OR10G3: variants seen among roughly 807,000 people sequenced by gnomAD.
OR10G3 encodes the protein olfactory receptor family 10 subfamily G member 3.
In OR10G3, 8 loss-of-function variants were observed where a neutral mutation model predicts 13.4. That is an observed-to-expected ratio of 0.60 (90% CI 0.35 to 1.08). The LOEUF is 1.08. Ranked by LOEUF, OR10G3 falls within the 50% of genes least tolerant of loss-of-function variation. The probability of loss-of-function intolerance (pLI) is 0.02; values close to 1 mark genes in which losing one functional copy is unlikely to be tolerated. For synonymous variants in OR10G3, 142 were observed against 156.1 expected (o/e 0.91, Z 0.67); for missense variants, 393 against 386.6 (o/e 1.02, Z -0.14).
chr14:21,571,044 C>T (rs552663141), intron 1 of OR10G3, among the ~76,000 whole-genome samples: 1 of 152,302 alleles, frequency 6.6e-6, no homozygotes, highest in East Asian at 1.9e-4. Context: ...ACTATTTACT[C>T]CCTGGACATT....
chr14:21,572,225 G>A (rs1893077515), intron 1 of OR10G3, among the ~76,000 whole-genome samples: 1 of 141,436 alleles, frequency 7.1e-6, no homozygotes, highest in Admixed American at 7.5e-5. Context: ...CCAGGGGGTG[G>A]AGGTGAGCTG....
chr14:21,571,247 T>C (rs1893065374), intron 1 of OR10G3, among the ~76,000 whole-genome samples: 1 of 152,206 alleles, frequency 6.6e-6, no homozygotes, highest in African/African-American at 2.4e-5. Flanking sequence ...CTCACTCTTA[T>C]CTCTGCCAGG....
chr14:21,575,272 A>G (rs1321187379), intron 1 of OR10G3, among the ~76,000 whole-genome samples: 3 of 151,900 alleles, frequency 2.0e-5, no homozygotes, highest in Non-Finnish European at 4.4e-5. Context: ...TAGTAGAGAC[A>G]GGGTTTCACC....
At position 21,569,245 on chromosome 14, in the gene OR10G3, T is replaced by C. The variant is rs1220037901; in HGVS notation, c.*558A>G. 1 of 152,888 alleles carries C rather than the reference T, an allele frequency of 6.5e-6. No homozygotes were observed. The highest frequency in any genetic ancestry group is 1.5e-5 in the Non-Finnish European group (1 of 68,640). 9.5% of individuals were successfully genotyped at this position (152,888 alleles called of 1,614,324 possible). A position where few individuals can be genotyped will look rare whatever the true frequency, so the allele number is the denominator to read the frequency against. Reference sequence around the variant, plus strand: ...TAGGCTGGGAGGCTAGGCCAGTCTTTCTTTTCACATTTTTCTGCCTGCTTA... The same window carrying C: ...TAGGCTGGGAGGCTAGGCCAGTCTTCCTTTTCACATTTTTCTGCCTGCTTA... On this transcript the variant is annotated 3_prime_UTR_variant, in exon 2 of 2. Transcript: ENST00000641040.
intron 1 of OR10G3, among the ~76,000 whole-genome samples, chr14:21,573,987 G>C (rs1268464048): frequency 1.3e-5 from 2 of 152,080 alleles, no homozygotes; most frequent in African/African-American, 2.4e-5. Flanking sequence ...CATGACTTGA[G>C]GTAGGATGTC....
chr14:21,579,090 C>T (rs570749919), intron 1 of OR10G3, among the ~76,000 whole-genome samples: 4 of 152,320 alleles, frequency 2.6e-5, no homozygotes, highest in Admixed American at 2.0e-4. Flanking sequence ...CACCACAGAA[C>T]TCGAAGATGC....
intron 1 of OR10G3, among the ~76,000 whole-genome samples, chr14:21,578,123 T>C (rs1037811004): frequency 5.3e-5 from 8 of 149,750 alleles, no homozygotes; most frequent in African/African-American, 1.7e-4. Flanking sequence ...TTAAAGACCA[T>C]CTAGAGGCCG....
chr14:21,577,445 T>C (rs922082642), intron 1 of OR10G3, among the ~76,000 whole-genome samples: 2 of 152,234 alleles, frequency 1.3e-5, no homozygotes, highest in African/African-American at 4.8e-5. Context: ...TCCAGCACTC[T>C]TTCCACATTT....
chr14:21,573,728 A>G (rs996275367), intron 1 of OR10G3, among the ~76,000 whole-genome samples: 5 of 151,888 alleles, frequency 3.3e-5, no homozygotes, highest in African/African-American at 1.2e-4. Flanking sequence ...TTCAGGACCT[A>G]TTGAACAGCA....
At chr14:21,575,723 C>T (rs1163546211) in intron 1 of OR10G3, among the ~76,000 whole-genome samples, 1 of 152,158 alleles carries the variant, frequency 6.6e-6, no homozygotes, top group Non-Finnish European at 1.5e-5. Context: ...CTGCTGTACC[C>T]AAGCTCTTTC....
At chr14:21,577,338 T>C (rs1876769116) in intron 1 of OR10G3, among the ~76,000 whole-genome samples, 1 of 152,102 alleles carries the variant, frequency 6.6e-6, no homozygotes, top group Non-Finnish European at 1.5e-5. Context: ...TTTGCACCTG[T>C]GTAGTGTTTT....
intron 1 of OR10G3, among the ~76,000 whole-genome samples, chr14:21,575,401 G>T (rs938415811): frequency 2.9e-4 from 39 of 133,730 alleles, no homozygotes; most frequent in African/African-American, 1.0e-3. Context: ...TTTTTTTTGA[G>T]ATGGAGTCTT....
chr14:21,573,908 A>G (rs898146598), intron 1 of OR10G3, among the ~76,000 whole-genome samples: 1 of 152,216 alleles, frequency 6.6e-6, no homozygotes, highest in Non-Finnish European at 1.5e-5. Context: ...TAATTTAACT[A>G]TTATTTATTG....
chr14:21,576,266 A>C (rs915071793), intron 1 of OR10G3, among the ~76,000 whole-genome samples: 2 of 152,216 alleles, frequency 1.3e-5, no homozygotes, highest in Non-Finnish European at 2.9e-5. Flanking sequence ...ATTACTTTAC[A>C]GTGGGAGATC....
chr14:21,579,707 C>T (rs934272796), intron 1 of OR10G3, 79 bp downstream of exon 1: 2 of 152,208 alleles, frequency 1.3e-5, no homozygotes, highest in African/African-American at 4.8e-5. Flanking sequence ...ACCCCTTACA[C>T]AATGTTTGGA....
intron 1 of OR10G3, among the ~76,000 whole-genome samples, chr14:21,574,393 A>C (rs931733004): frequency 3.3e-5 from 5 of 151,608 alleles, no homozygotes; most frequent in Non-Finnish European, 7.4e-5. Flanking sequence ...TAAGATTAAC[A>C]GGGAAATGTC....
chr14:21,572,646 G>T (rs1171565526), intron 1 of OR10G3, among the ~76,000 whole-genome samples: 1 of 148,702 alleles, frequency 6.7e-6, no homozygotes, highest in Non-Finnish European at 1.5e-5. Context: ...GAAAAGGGTT[G>T]GAATAATGAG....
intron 1 of OR10G3, among the ~76,000 whole-genome samples, chr14:21,578,264 A>G (rs1594492343): frequency 1.3e-5 from 2 of 151,912 alleles, no homozygotes; most frequent in Middle Eastern, 6.8e-3. Context: ...TACAAAAATT[A>G]GCTGGGCATA....
At chr14:21,573,951 G>C (rs1324258273) in intron 1 of OR10G3, among the ~76,000 whole-genome samples, 1 of 152,040 alleles carries the variant, frequency 6.6e-6, no homozygotes, top group Non-Finnish European at 1.5e-5. Context: ...AAACAGGCTT[G>C]ATGAAAATTT....
Sources: allele counts gnomAD v4.1 joint callset (sites outside exome capture counted in the v4.1 genomes callset), GRCh38; gene constraint gnomAD v4.1.1; transcripts MANE v1.5; gene names NCBI Gene and HGNC (gene_info 2026-07-23, HGNC 2026-07-21).